TRIM39: variants seen among roughly 807,000 people sequenced by gnomAD.
TRIM39 encodes the protein tripartite motif containing 39, also known as E3 ubiquitin-protein ligase TRIM39.
Under a neutral mutation model 53.6 loss-of-function variants are expected in TRIM39, and 5 were observed. The ratio of observed to expected loss-of-function variants is 0.09; its 90% confidence interval spans 0.05 to 0.20. TRIM39 has a LOEUF of 0.20. Ranked by LOEUF, TRIM39 falls within the 10% of genes least tolerant of loss-of-function variation. The probability of loss-of-function intolerance (pLI) is 1.00; values close to 1 mark genes in which losing one functional copy is unlikely to be tolerated. For missense variants in TRIM39, 310 were observed against 621.0 expected (o/e 0.50, Z 5.32); for synonymous variants, 196 against 237.6 (o/e 0.82, Z 1.61).
In TRIM39 at chr6:30,330,771, T is replaced by C. The variant is rs199909699; in HGVS notation, c.454-10T>C. 1.5e-5 allele frequency: 24 copies of C among 1,614,082 alleles called. No homozygotes were observed. Among genetic ancestry groups the C allele is most frequent in the Non-Finnish European group, 1.5e-5 (18 of 1,179,982 alleles). On this transcript the variant is annotated splice_polypyrimidine_tract_variant and intron_variant, in intron 3 of 7. Coordinates refer to ENST00000396551, the Ensembl canonical transcript of TRIM39. ...AATGTCACCTCTCCCACTTCCTCCC[T>C]ACCCCTCAGGAAAAACTGCAGAAGT...
intron 7 of TRIM39, 90 bp from the exon 8 acceptor site, chr6:30,341,622 G>C: frequency 6.7e-7 from 1 of 1,496,380 alleles, no homozygotes. Context: ...TAAGGGACCA[G>C]GCTCTGTAAA....
At position 30,340,385 on chromosome 6, in the gene TRIM39, G is replaced by T. The variant is rs779882627; in HGVS notation, c.804-120G>T. 2.5e-6 allele frequency: 4 copies of T among 1,610,948 alleles called. No individual in the cohort carries two copies. The African/African-American group carries it at 5.3e-5, about 22-fold the overall frequency. Reference sequence around the variant, plus strand: ...AGGTGAGCTTTTCAGGGAGGAGGAAGAAAGTGGGAAGATGGAGAATTTTAA... The same window carrying T: ...AGGTGAGCTTTTCAGGGAGGAGGAATAAAGTGGGAAGATGGAGAATTTTAA... On this transcript the variant is annotated intron_variant, in intron 6 of 7. Coordinates refer to ENST00000396551, the Ensembl canonical transcript of TRIM39.
Position 30,328,873 on chromosome 6 carries a change from C to CT in TRIM39, c.-160-10dup, listed in dbSNP as rs1554247792. ...TTAAGAAATGTTAATATTTTTATGACTTTTTTACTTCTCAGATTCCTTTCT... is the reference window on the plus strand; with the variant it reads ...TTAAGAAATGTTAATATTTTTATGACTTTTTTTACTTCTCAGATTCCTTTCT... On this transcript the variant is annotated splice_polypyrimidine_tract_variant and intron_variant, in intron 1 of 7. Transcript: ENST00000396551. 1 of 158,062 alleles carries CT rather than the reference C, an allele frequency of 6.3e-6. No homozygotes were observed. Among genetic ancestry groups the CT allele is most frequent in the East Asian group, 1.8e-4 (1 of 5,422 alleles). 9.8% of individuals were successfully genotyped at this position (158,062 alleles called of 1,614,324 possible).
Position 30,331,297 on chromosome 6 carries a change from A to G in TRIM39, c.549+421A>G, listed in dbSNP as rs72847795. Among the ~76,000 whole-genome samples, 393 of 150,178 alleles carry G rather than the reference A, an allele frequency of 2.6e-3. 2 individuals carry two copies. Among genetic ancestry groups the G allele is most frequent in the South Asian group, 6.9e-3 (33 of 4,772 alleles). ...CAAACAAAAAAAACAAACAAAAAAA[A>G]AAAGAACAATGTAGTTCTCTCAAAA... On this transcript the variant is annotated intron_variant, in intron 4 of 7. Transcript: ENST00000396551.
At chr6:30,329,025 A>G (rs1423069250) in exon 2 of TRIM39, 2 of 395,480 alleles carry the variant, frequency 5.1e-6, no homozygotes, top group Non-Finnish European at 9.0e-6. Flanking sequence ...TTCTCTTTCT[A>G]ACAAGAGAAA....
rs913892545 is a variant in TRIM39 at position 30,342,335 on chromosome 6, C to T, written c.*76C>T. 1.0e-5 allele frequency: 15 copies of T among 1,480,440 alleles called. No individual in the cohort carries two copies. The highest frequency in any genetic ancestry group is 2.8e-5 in the African/African-American group (2 of 72,330). The allele number at this position is 1,480,440 out of a possible 1,614,324, so 91.7% of individuals were successfully genotyped here. A position where few individuals can be genotyped will look rare whatever the true frequency, so the allele number is the denominator to read the frequency against. ...GCCTCCTTCCCGTGTCCTGCTGGAA[C>T]GTCTTCGTGTCCACCTGGGTCCAGT... On this transcript the variant is annotated 3_prime_UTR_variant, in exon 8 of 8. Transcript: ENST00000396551. This position sits in a 1 kb window ranked among gnomAD's most constrained non-coding sequence, Gnocchi z 4.7.
intron 4 of TRIM39, among the ~76,000 whole-genome samples, chr6:30,334,306 A>G (rs1025446477): frequency 2.7e-4 from 19 of 69,704 alleles, no homozygotes; most frequent in Non-Finnish European, 4.8e-4. Flanking sequence ...ATGCTTGGGG[A>G]ATTCTTTAGG....
intron 5 of TRIM39, among the ~76,000 whole-genome samples, chr6:30,337,072 G>A (rs998824315): frequency 3.9e-5 from 6 of 152,160 alleles, no homozygotes; most frequent in African/African-American, 1.4e-4. Context: ...ATTTTGAAAG[G>A]AATCTTTTTT....
intron 1 of TRIM39, chr6:30,327,808 G>C (rs1370920936): frequency 6.6e-6 from 1 of 152,194 alleles, no homozygotes; most frequent in Non-Finnish European, 1.5e-5. Flanking sequence ...TCCTATTGCT[G>C]ACAGAAGAAA....
chr6:30,341,570 G>A, intron 7 of TRIM39, 142 bp from the exon 8 acceptor site: 13 of 1,250,690 alleles, frequency 1.0e-5, no homozygotes, highest in Non-Finnish European at 1.5e-5. Flanking sequence ...GTGACACCAT[G>A]GATTGAGAAA....
chr6:30,329,254 A>G lies in TRIM39; in HGVS notation c.-7-57A>G, dbSNP rs964090745. 3.3e-6 allele frequency: 5 copies of G among 1,523,082 alleles called. No homozygotes were observed. In the African/African-American group the frequency reaches 5.6e-5, roughly 17 times the overall value. 94.3% of individuals were successfully genotyped at this position (1,523,082 alleles called of 1,614,324 possible). A position where few individuals can be genotyped will look rare whatever the true frequency, so the allele number is the denominator to read the frequency against. ...GGGTCAGGGATGCAAAAAAAAAAAAAAGAAAAAACCTCCAATTAATATTTT... is the reference window on the plus strand; with the variant it reads ...GGGTCAGGGATGCAAAAAAAAAAAAGAGAAAAAACCTCCAATTAATATTTT... On this transcript the variant is annotated intron_variant, in intron 2 of 7. Coordinates refer to ENST00000396551, the Ensembl canonical transcript of TRIM39.
intron 3 of TRIM39, 83 bp from the exon 4 acceptor site, chr6:30,330,698 A>T (rs1416420102): frequency 3.4e-6 from 5 of 1,453,410 alleles, no homozygotes; most frequent in Non-Finnish European, 4.7e-6. Flanking sequence ...TAAATGGTTT[A>T]AAACAAATGG....
chr6:30,340,652 A>AC (rs1562423420), intron 7 of TRIM39, 32 bp downstream of exon 7: 4 of 1,593,456 alleles, frequency 2.5e-6, no homozygotes, highest in Non-Finnish European at 3.4e-6. Context: ...ACTAGAAGAA[A>AC]CCACTAGAGA....
chr6:30,330,986 C>A, intron 4 of TRIM39, 110 bp downstream of exon 4: 1 of 1,295,530 alleles, frequency 7.7e-7, no homozygotes, highest in South Asian at 1.4e-5. Context: ...AAATGCAGTT[C>A]TCGCCGGACA....
At position 30,339,073 on chromosome 6, in the gene TRIM39, A is replaced by G. The variant is rs1787187271; in HGVS notation, c.781-835A>G. On this transcript the variant is annotated intron_variant, in intron 5 of 7. Transcript: ENST00000396551. The surrounding 1 kb of genome is among the most constrained non-coding windows in gnomAD (Gnocchi z 4.2). The stretch of plus-strand genomic sequence containing the variant: ...TTAAACTGGGAAATCCTTGTGGGAC[A>G]GAGATTTGTCTTCTTTGTCTTCTGG... Among the ~76,000 whole-genome samples, 1 of 152,082 alleles carries G rather than the reference A, an allele frequency of 6.6e-6. No homozygotes were observed. The highest frequency in any genetic ancestry group is 2.4e-5 in the African/African-American group (1 of 41,406).
exon 8 of TRIM39, chr6:30,343,573 T>C (rs1582060602): frequency 6.5e-6 from 1 of 152,688 alleles, no homozygotes. Context: ...GAGAGAAGAA[T>C]CTGCAGTTTA....
At chr6:30,334,479 A>G (rs117495548) in intron 4 of TRIM39, among the ~76,000 whole-genome samples, 3,414 of 152,302 alleles carry the variant, frequency 0.022, 98 homozygotes, top group Admixed American at 0.069. Context: ...AAATTTCAAG[A>G]AACTAAATTA....
chr6:30,336,248 T>A, intron 5 of TRIM39: 1 of 684,876 alleles, frequency 1.5e-6, no homozygotes, highest in Non-Finnish European at 2.7e-6. Flanking sequence ...AAGTCTAGCC[T>A]GAGTTAGTGA....
At chr6:30,337,434 C>T (rs1358687347) in intron 5 of TRIM39, among the ~76,000 whole-genome samples, 1 of 152,030 alleles carries the variant, frequency 6.6e-6, no homozygotes, top group Non-Finnish European at 1.5e-5. Context: ...AAAGGCTAGG[C>T]ACGTTGGCTC....
Sources: allele counts gnomAD v4.1 joint callset (sites outside exome capture counted in the v4.1 genomes callset), GRCh38; gene constraint gnomAD v4.1.1; non-coding constraint Gnocchi (gnomAD v3.1); transcripts MANE v1.5; gene names NCBI Gene and HGNC (gene_info 2026-07-23, HGNC 2026-07-21).